Variants in FRYL observed in about 807,000 individuals in gnomAD.
The protein encoded by FRYL is FRY like transcription coactivator.
In FRYL, 150 loss-of-function variants were observed where a neutral mutation model predicts 351.2. That is an observed-to-expected ratio of 0.43 (90% confidence interval 0.37 to 0.49). The LOEUF (loss-of-function observed/expected upper bound fraction) is 0.49, where lower values mean the gene tolerates loss of function less well. FRYL is among the 20% of genes least tolerant of loss of function. FRYL has a pLI of 0.00. For missense variants in FRYL, 3,036 were observed against 3,619.3 expected (o/e 0.84, Z 4.13); for synonymous variants, 1,153 against 1,257.1 (o/e 0.92, Z 1.75).
chr4:48,721,574 T>C (rs1007419790), intron 1 of FRYL, among the ~76,000 whole-genome samples: 1 of 152,166 alleles, frequency 6.6e-6, no homozygotes, highest in African/African-American at 2.4e-5. Context: ...ACAACAAAAT[T>C]GTGTCTATGA....
chr4:48,713,215 A>C (rs564638591), intron 1 of FRYL, among the ~76,000 whole-genome samples: 14 of 152,276 alleles, frequency 9.2e-5, no homozygotes, highest in Admixed American at 5.9e-4. Flanking sequence ...ACAGGATCAA[A>C]TTCACACATA....
At chr4:48,772,953 T>C (rs1047612811) in intron 1 of FRYL, among the ~76,000 whole-genome samples, 1 of 152,220 alleles carries the variant, frequency 6.6e-6, no homozygotes, top group Non-Finnish European at 1.5e-5. Flanking sequence ...GGGATGTCGT[T>C]GGTGAAAACG....
Position 48,528,333 on chromosome 4 carries a change from G to A in FRYL, c.6907C>T (p.Pro2303Ser). Residue 2303 changes from proline to serine, a missense_variant, in exon 51 of 64, where the codon CCA becomes TCA. By Grantham distance (74) the Pro-to-Ser change is moderately conservative. This residue lies in a region of FRYL where 1,987 missense variants were observed against 2,311.7 expected (regional missense o/e 0.86). Coordinates refer to ENST00000358350, the MANE Select transcript of FRYL (RefSeq NM_015030.2). ...LDFHFDISETPIIGNKYGDQH... is the reference protein window; with the variant it reads ...LDFHFDISETSIIGNKYGDQH... Reference sequence around the variant, plus strand: ...TCACCATATTTGTTTCCAATAATTGGTGTCTACACAGAAACAAAATGTCAG... The same window carrying A: ...TCACCATATTTGTTTCCAATAATTGATGTCTACACAGAAACAAAATGTCAG... The A allele has an allele frequency of 2.5e-6, 4 of 1,602,366 alleles. No homozygotes were observed. Among genetic ancestry groups the A allele is most frequent in the South Asian group, 1.1e-5 (1 of 88,260 alleles).
intron 56 of FRYL, among the ~76,000 whole-genome samples, chr4:48,513,215 A>G (rs1471152000): frequency 6.6e-6 from 1 of 152,190 alleles, no homozygotes; most frequent in East Asian, 1.9e-4. Flanking sequence ...AGGTTAAATA[A>G]TATGTCTAGT....
At position 48,540,971 on chromosome 4, in the gene FRYL, A is replaced by T. The variant is rs1250566232; in HGVS notation, c.5688-11T>A. On this transcript the variant is annotated splice_polypyrimidine_tract_variant and intron_variant, in intron 45 of 63. Transcript: ENST00000358350. ...TCATGATATGAGGTTCTTAAAAAAA[A>T]GAAAGAATAGATGAATGCATACCCA... The T allele has an allele frequency of 6.5e-7, 1 of 1,533,010 alleles. No individual in the cohort carries two copies. Among genetic ancestry groups the T allele is most frequent in the Admixed American group, 2.1e-5 (1 of 47,968 alleles). 95.0% of individuals were successfully genotyped at this position (1,533,010 alleles called of 1,614,324 possible). A position where few individuals can be genotyped will look rare whatever the true frequency, so the allele number is the denominator to read the frequency against.
rs112775551 is a variant in FRYL, at chr4:48,551,688, A to T, written c.4436-110T>A. On this transcript the variant is annotated intron_variant, in intron 36 of 63. Coordinates refer to ENST00000358350, the MANE Select transcript of FRYL (RefSeq NM_015030.2). ...CAAAACTTAACTAAAATGAGAGCAA[A>T]GTCATTTAAAAAAAGGAATGTACTC... 1.4e-3 allele frequency: 979 copies of T among 677,412 alleles called. 6 individuals carry two copies. The African/African-American group carries it at 0.015, about 10-fold the overall frequency. 42.0% of individuals were successfully genotyped at this position (677,412 alleles called of 1,614,324 possible).
rs1376453956 is a variant in FRYL at position 48,551,491 on chromosome 4, T to TA, written c.4520+2dup. ...GGCTAATACAGAACAGAGAAGTACT[T>TA]ACCTCTCTTCAATATTCTCTTTAAT... On this transcript the variant is annotated splice_region_variant and intron_variant, in intron 37 of 63. Transcript: ENST00000358350. The TA allele has an allele frequency of 1.9e-6, 3 of 1,572,374 alleles. No individual in the cohort carries two copies. The Admixed American group carries it at 5.0e-5, about 26-fold the overall frequency.
chr4:48,559,119 G>T (rs1734806624), intron 33 of FRYL, among the ~76,000 whole-genome samples: 1 of 152,154 alleles, frequency 6.6e-6, no homozygotes, highest in African/African-American at 2.4e-5. Context: ...GTTGCCTCAT[G>T]AAGTTATTGT....
intron 3 of FRYL, among the ~76,000 whole-genome samples, chr4:48,656,368 T>TATATACTAAATATATTATATAAC (rs1560799732): frequency 7.5e-6 from 1 of 133,052 alleles, no homozygotes; most frequent in Non-Finnish European, 1.5e-5. Context: ...TATTATATAA[T>TATATACTAAATATATTATATAAC]ATATACTAAA....
intron 1 of FRYL, among the ~76,000 whole-genome samples, chr4:48,752,882 G>A (rs1283206331): frequency 6.6e-6 from 1 of 152,180 alleles, no homozygotes; most frequent in Admixed American, 6.6e-5. Flanking sequence ...AGAAACAGAT[G>A]CTGGGAGCTG....
rs1281133513 is a variant in FRYL, at chr4:48,605,754, A to G, written c.821T>C (p.Ile274Thr). 6.2e-7 allele frequency: 1 copy of G among 1,600,508 alleles called. No homozygotes were observed. Among genetic ancestry groups the G allele is most frequent in the Non-Finnish European group, 8.6e-7 (1 of 1,168,532 alleles). The change falls in exon 11 of 64, where the codon ATC becomes ACC. Residue 274 changes from isoleucine (I) to threonine (T), a missense_variant. Physicochemically the swap from Ile to Thr is moderately conservative, Grantham distance 89. Transcript: ENST00000358350. Reference protein sequence around the residue: ...ALAGLFVEILIPVAAAVKNEV... With the variant: ...ALAGLFVEILTPVAAAVKNEV... Reference sequence around the variant, plus strand: ...AAAAATACTTACAGCAGCTACAGGGATAAGAATCTCCACAAATAAACCAGC... The same window carrying G: ...AAAAATACTTACAGCAGCTACAGGGGTAAGAATCTCCACAAATAAACCAGC...
intron 2 of FRYL, among the ~76,000 whole-genome samples, chr4:48,696,557 T>C (rs1766183016): frequency 6.6e-6 from 1 of 151,950 alleles, no homozygotes; most frequent in African/African-American, 2.4e-5. Context: ...GGGAGAACAC[T>C]AGGACAAATA....
intron 1 of FRYL, among the ~76,000 whole-genome samples, chr4:48,713,988 C>T (rs1405682478): frequency 2.0e-5 from 3 of 151,910 alleles, no homozygotes; most frequent in Non-Finnish European, 4.4e-5. Context: ...CGCTCAACTA[C>T]ATGGAAACTG....
chr4:48,614,721 CAAAAAAAA>C (rs1161734085), intron 7 of FRYL, among the ~76,000 whole-genome samples: 3 of 47,124 alleles, frequency 6.4e-5, no homozygotes, highest in Admixed American at 8.7e-4. Flanking sequence ...GACTCCATCT[CAAAAAAAA>C]AAAAAAAAAA....
chr4:48,503,968 AT>A (rs1177007469), intron 60 of FRYL, among the ~76,000 whole-genome samples: 1 of 152,170 alleles, frequency 6.6e-6, no homozygotes, highest in African/African-American at 2.4e-5. Flanking sequence ...ACAAGCATAT[AT>A]GTATAGCCTC....
intron 58 of FRYL, 152 bp from the exon 59 acceptor site, chr4:48,510,309 C>T: frequency 1.5e-6 from 1 of 651,094 alleles, no homozygotes; most frequent in Non-Finnish European, 2.7e-6. Context: ...GAGCTGAGCT[C>T]TCACTGGAAC....
chr4:48,742,980 T>A (rs12508072), intron 1 of FRYL, among the ~76,000 whole-genome samples: 84 of 100,080 alleles, frequency 8.4e-4, no homozygotes, highest in Middle Eastern at 5.7e-3. Flanking sequence ...ATAATTTTTT[T>A]TTTTTTTTTT....
At chr4:48,690,580 C>A (rs1765592879) in intron 2 of FRYL, among the ~76,000 whole-genome samples, 1 of 152,090 alleles carries the variant, frequency 6.6e-6, no homozygotes, top group Admixed American at 6.5e-5. Flanking sequence ...AACTATTTAA[C>A]AAAAATTTCA....
Position 48,738,298 on chromosome 4 carries a change from C to T in FRYL, c.-383-27600G>A, listed in dbSNP as rs551663330. 4.6e-5 allele frequency among the ~76,000 whole-genome samples: 7 copies of T among 152,240 alleles called. No individual in the cohort carries two copies. The South Asian group carries it at 1.5e-3, about 32-fold the overall frequency. Reference sequence around the variant, plus strand: ...TAACATACAAAAGCCAACTACTTTCCTATAAACCAACAATGAACACACAGA... The same window carrying T: ...TAACATACAAAAGCCAACTACTTTCTTATAAACCAACAATGAACACACAGA... On this transcript the variant is annotated intron_variant, in intron 1 of 63. Coordinates refer to ENST00000358350, the MANE Select transcript of FRYL (RefSeq NM_015030.2).
Sources: gnomAD v4.1 joint callset for allele counts (sites outside exome capture counted in the v4.1 genomes callset) on GRCh38, gnomAD v4.1.1 for gene constraint, gnomAD v4.1.1 regional missense constraint, MANE v1.5 for transcripts, NCBI Gene and HGNC (gene_info 2026-07-23, HGNC 2026-07-21) for gene names.